The following MAGI3 variants were observed in gnomAD, a reference collection of about 807,000 sequenced individuals.
The protein encoded by MAGI3 is membrane associated guanylate kinase, WW and PDZ domain containing 3.
Under a neutral mutation model 121.8 loss-of-function variants are expected in MAGI3, and 43 were observed. The ratio of observed to expected loss-of-function variants is 0.35; its 90% CI spans 0.28 to 0.46. The LOEUF is 0.46. Among genes scored for constraint, MAGI3 ranks in the 20% least tolerant of loss-of-function variants. MAGI3 has a pLI of 1.00. For missense variants in MAGI3, 1,547 were observed against 1,797.3 expected (o/e 0.86, Z 2.52); for synonymous variants, 553 against 639.3 (o/e 0.86, Z 2.04).
intron 2 of MAGI3, among the ~76,000 whole-genome samples, chr1:113,571,508 T>C (rs1163058406): frequency 6.6e-6 from 1 of 152,198 alleles, no homozygotes; most frequent in Non-Finnish European, 1.5e-5. Flanking sequence ...ACAATATCGG[T>C]TTTTCCTATT....
intron 1 of MAGI3, among the ~76,000 whole-genome samples, chr1:113,484,283 T>A (rs764777399): frequency 3.9e-5 from 6 of 152,284 alleles, no homozygotes; most frequent in Non-Finnish European, 5.9e-5. Flanking sequence ...TTTGGGGGAA[T>A]AGGTGGTGTT....
chr1:113,444,180 C>G (rs1654055142), intron 1 of MAGI3, among the ~76,000 whole-genome samples: 1 of 152,220 alleles, frequency 6.6e-6, no homozygotes, highest in South Asian at 2.1e-4. Flanking sequence ...AACAGGTGTT[C>G]CAGAAACAGT....
chr1:113,518,050 C>T (rs1024912147), intron 1 of MAGI3, among the ~76,000 whole-genome samples: 3 of 151,920 alleles, frequency 2.0e-5, no homozygotes, highest in Non-Finnish European at 2.9e-5. Context: ...TAAAATTGAC[C>T]CCTTCCTGTT....
At chr1:113,400,587 A>G (rs1371878038) in intron 1 of MAGI3, among the ~76,000 whole-genome samples, 3 of 152,176 alleles carry the variant, frequency 2.0e-5, no homozygotes, top group Admixed American at 6.5e-5. Context: ...AAAGCCTGTA[A>G]TAATTAGAGT....
chr1:113,456,278 A>G (rs1654753330), intron 1 of MAGI3, among the ~76,000 whole-genome samples: 1 of 151,614 alleles, frequency 6.6e-6, no homozygotes, highest in African/African-American at 2.4e-5. Flanking sequence ...TTTTTTCTTT[A>G]ATAGTGAGAT....
intron 1 of MAGI3, among the ~76,000 whole-genome samples, chr1:113,522,132 G>A (rs1242004500): frequency 1.3e-5 from 2 of 152,108 alleles, no homozygotes; most frequent in Non-Finnish European, 2.9e-5. Flanking sequence ...TTTTGAGACA[G>A]GGTCTCACTC....
chr1:113,576,005 C>T (rs1050901895), intron 2 of MAGI3, among the ~76,000 whole-genome samples: 4 of 152,184 alleles, frequency 2.6e-5, no homozygotes, highest in African/African-American at 9.7e-5. Flanking sequence ...GGAAAACCAC[C>T]TACTCAAGTC....
chr1:113,487,700 A>G (rs1038408451), intron 1 of MAGI3, among the ~76,000 whole-genome samples: 17 of 152,142 alleles, frequency 1.1e-4, no homozygotes, highest in Non-Finnish European at 2.9e-5. Context: ...ATTAAAAAGA[A>G]AAATGTCATC....
chr1:113,426,438 C>T (rs1006688440), intron 1 of MAGI3, among the ~76,000 whole-genome samples: 2 of 152,092 alleles, frequency 1.3e-5, no homozygotes, highest in African/African-American at 4.8e-5. Flanking sequence ...TTCAAAATAA[C>T]CTTGCTGATT....
intron 1 of MAGI3, among the ~76,000 whole-genome samples, chr1:113,405,252 A>T (rs1447365891): frequency 6.6e-6 from 1 of 152,062 alleles, no homozygotes; most frequent in East Asian, 1.9e-4. Context: ...AGGCAAGTGG[A>T]TTGCTTGAGC....
At position 113,407,618 on chromosome 1, in the gene MAGI3, CA is replaced by C. The variant is rs1428996250; in HGVS notation, c.316+16271del. 5.9e-5 allele frequency among the ~76,000 whole-genome samples: 9 copies of C among 151,484 alleles called. No homozygotes were observed. In the South Asian group the frequency reaches 1.0e-3, roughly 18 times the overall value. ...CAATGTAAATTGCAATGCATTTCCACAAGAAAGGCTTTTAAGTGCCCAGTTT... is the reference window on the plus strand; with the variant it reads ...CAATGTAAATTGCAATGCATTTCCACAGAAAGGCTTTTAAGTGCCCAGTTT... On this transcript the variant is annotated intron_variant, in intron 1 of 20. Transcript: ENST00000307546.
At chr1:113,514,426 C>T (rs1192079911) in intron 1 of MAGI3, among the ~76,000 whole-genome samples, 4 of 151,950 alleles carry the variant, frequency 2.6e-5, no homozygotes, top group African/African-American at 9.7e-5. Flanking sequence ...ACATATACAC[C>T]ATGGAATACT....
intron 1 of MAGI3, among the ~76,000 whole-genome samples, chr1:113,438,309 G>T (rs1653740822): frequency 6.6e-6 from 1 of 152,116 alleles, no homozygotes; most frequent in Non-Finnish European, 1.5e-5. Context: ...ACCCCCATTG[G>T]ATGCCTGAAA....
chr1:113,549,039 T>C (rs1259833467), intron 1 of MAGI3, among the ~76,000 whole-genome samples: 2 of 152,140 alleles, frequency 1.3e-5, no homozygotes, highest in Admixed American at 6.5e-5. Context: ...GGAGGAAACA[T>C]TGGGGGCAGA....
chr1:113,393,351 A>C (rs1458302302), intron 1 of MAGI3, among the ~76,000 whole-genome samples: 1 of 152,228 alleles, frequency 6.6e-6, no homozygotes, highest in African/African-American at 2.4e-5. Context: ...TTTTGTAGTC[A>C]TTAGTAATAA....
intron 1 of MAGI3, among the ~76,000 whole-genome samples, chr1:113,406,664 G>C (rs1454069287): frequency 6.6e-6 from 1 of 151,974 alleles, no homozygotes; most frequent in African/African-American, 2.4e-5. Context: ...TATAGTCCCA[G>C]CTACTCATGA....
chr1:113,569,579 C>G (rs1394122789), intron 2 of MAGI3, among the ~76,000 whole-genome samples: 1 of 152,086 alleles, frequency 6.6e-6, no homozygotes, highest in Non-Finnish European at 1.5e-5. Flanking sequence ...ATTATGGGTG[C>G]ATGATTTTTC....
intron 2 of MAGI3, among the ~76,000 whole-genome samples, chr1:113,550,372 C>T (rs1378829010): frequency 1.4e-5 from 2 of 144,374 alleles, no homozygotes; most frequent in African/African-American, 5.2e-5. Context: ...GCCGAGATAG[C>T]GCCACTGCAG....
chr1:113,473,906 C>A (rs1570726787), intron 1 of MAGI3, among the ~76,000 whole-genome samples: 1 of 152,296 alleles, frequency 6.6e-6, no homozygotes, highest in East Asian at 1.9e-4. Flanking sequence ...ATTCGTATTT[C>A]TTCACATCCT....
Sources: allele counts gnomAD v4.1 joint callset (sites outside exome capture counted in the v4.1 genomes callset), GRCh38; gene constraint gnomAD v4.1.1; transcripts MANE v1.5; gene names NCBI Gene and HGNC (gene_info 2026-07-23, HGNC 2026-07-21).